Variants in DGAT2 observed in about 807,000 individuals in gnomAD.
The protein encoded by DGAT2 is acyl-CoA retinol O-fatty-acyltransferase.
Under a neutral mutation model 48.4 loss-of-function variants are expected in DGAT2, and 33 were observed. The observed-to-expected ratio is 0.68, with a 90% CI of 0.52 to 0.91. DGAT2 has a LOEUF of 0.91. DGAT2 is among the 40% of genes least tolerant of loss of function. The pLI is 0.00. For synonymous variants in DGAT2, 191 were observed against 194.1 expected, an observed-to-expected ratio of 0.98 and a Z score of 0.13; for missense variants, 446 against 493.7, an observed-to-expected ratio of 0.90 and a Z score of 0.92.
intron 1 of DGAT2, among the ~76,000 whole-genome samples, chr11:75,774,756 T>C (rs1457585393): frequency 6.6e-6 from 1 of 152,208 alleles, no homozygotes; most frequent in East Asian, 1.9e-4. Context: ...TGTCTCCCCA[T>C]GCTTGCCCAT....
chr11:75,798,526 C>T (rs966121086), intron 7 of DGAT2, 97 bp downstream of exon 7: 19 of 1,344,744 alleles, frequency 1.4e-5, no homozygotes, highest in Non-Finnish European at 1.9e-5. Flanking sequence ...GGCCACCTGG[C>T]TCTGATGGCC....
intron 4 of DGAT2, chr11:75,795,423 G>C (rs749819487): frequency 6.6e-6 from 1 of 152,152 alleles, no homozygotes; most frequent in Non-Finnish European, 1.5e-5. Context: ...CACATTCCTT[G>C]TAACACAGGG....
intron 1 of DGAT2, among the ~76,000 whole-genome samples, chr11:75,780,108 A>G (rs1419841747): frequency 3.9e-5 from 6 of 152,164 alleles, no homozygotes; most frequent in Non-Finnish European, 5.9e-5. Flanking sequence ...GAGGGGGCAG[A>G]TAGGAGCAGG....
intron 1 of DGAT2, among the ~76,000 whole-genome samples, chr11:75,783,021 G>A (rs73504569): frequency 0.052 from 7,850 of 152,296 alleles, 691 homozygotes; most frequent in African/African-American, 0.18. Flanking sequence ...TAGGATTTTT[G>A]TAAAGGGGGC....
chr11:75,781,705 G>C (rs1430194908), intron 1 of DGAT2, among the ~76,000 whole-genome samples: 5 of 152,202 alleles, frequency 3.3e-5, no homozygotes, highest in African/African-American at 4.8e-5. Context: ...GGTAGTTGGG[G>C]CTGGATAAGG....
intron 1 of DGAT2, among the ~76,000 whole-genome samples, chr11:75,772,652 G>T (rs779172325): frequency 6.6e-6 from 1 of 151,942 alleles, no homozygotes; most frequent in Non-Finnish European, 1.5e-5. Context: ...ATTTTCATGC[G>T]TGCTTATCTG....
chr11:75,796,326 A>C lies in DGAT2; in HGVS notation c.430-2A>C, dbSNP rs1945052376. ...TCCTCTGACCCAAGGTCATCCTTGC[A>C]GCTGGTGAAGACACACAACCTGCTG... On this transcript the variant is annotated splice_acceptor_variant, in intron 4 of 7. Transcript: ENST00000228027. LOFTEE classifies it high-confidence loss of function. 1 of 1,612,844 alleles carries C rather than the reference A, an allele frequency of 6.2e-7. No individual in the cohort carries two copies. The highest frequency in any genetic ancestry group is 1.1e-5 in the South Asian group (1 of 91,046).
chr11:75,769,992 T>A (rs1944741467), intron 1 of DGAT2, among the ~76,000 whole-genome samples: 1 of 152,192 alleles, frequency 6.6e-6, no homozygotes. Flanking sequence ...CCACCTTTGT[T>A]ACAAAAATAA....
At chr11:75,793,152 G>A (rs901428258) in intron 4 of DGAT2, 2 of 152,296 alleles carry the variant, frequency 1.3e-5, no homozygotes, top group Non-Finnish European at 2.9e-5. Context: ...GTTGGGCTGG[G>A]ACTTTGCCAC....
At chr11:75,778,833 CAAAAAA>C (rs746636359) in intron 1 of DGAT2, among the ~76,000 whole-genome samples, 1 of 68,462 alleles carries the variant, frequency 1.5e-5, no homozygotes, top group African/African-American at 4.6e-5. Flanking sequence ...GACTCCGTCT[CAAAAAA>C]AAAAAAAAAA....
intron 1 of DGAT2, among the ~76,000 whole-genome samples, chr11:75,779,143 C>T (rs938392241): frequency 1.3e-5 from 2 of 152,144 alleles, no homozygotes; most frequent in African/African-American, 2.4e-5. Context: ...AGACACCCTT[C>T]AACACCCCAG....
chr11:75,786,586 A>G (rs1393903830), intron 2 of DGAT2, among the ~76,000 whole-genome samples: 2 of 152,076 alleles, frequency 1.3e-5, no homozygotes, highest in African/African-American at 2.4e-5. Flanking sequence ...CAGCCCAGAA[A>G]CCGGCCCAGC....
chr11:75,769,812 C>T (rs1212487398), intron 1 of DGAT2, among the ~76,000 whole-genome samples: 1 of 152,088 alleles, frequency 6.6e-6, no homozygotes, highest in East Asian at 1.9e-4. Flanking sequence ...GATGCCTTGA[C>T]CCCTGGATTC....
intron 1 of DGAT2, among the ~76,000 whole-genome samples, chr11:75,770,689 G>T (rs1944748745): frequency 6.6e-6 from 1 of 152,156 alleles, no homozygotes; most frequent in Admixed American, 6.5e-5. Context: ...TCATGTTTTT[G>T]ACTTAGAGTT....
In DGAT2 at chr11:75,790,733, TAA is replaced by T. The variant is rs1487663076; in HGVS notation, c.429+4_429+5del. ...TTTCGAGACTACTTTCCCATCCAGG[TAA>T]AGTGCTGTGAGTGTTGTTTTGGGAG... On this transcript the variant is annotated splice_donor_region_variant and intron_variant, in intron 4 of 7. Transcript: ENST00000228027. 3 of 1,614,058 alleles carry T rather than the reference TAA, an allele frequency of 1.9e-6. No individual in the cohort carries two copies. Among genetic ancestry groups the T allele is most frequent in the Admixed American group, 1.7e-5 (1 of 60,020 alleles).
intron 1 of DGAT2, among the ~76,000 whole-genome samples, chr11:75,770,505 GGGACATCAATGGATGAAT>G (rs1419083257): frequency 3.9e-5 from 6 of 152,046 alleles, no homozygotes; most frequent in African/African-American, 1.5e-4. Flanking sequence ...GATGTCCTTA[GGGACATCAATGGATGAAT>G]GGACTTGCCC....
chr11:75,787,618 GC>G (rs1944935769), intron 2 of DGAT2, among the ~76,000 whole-genome samples: 1 of 152,238 alleles, frequency 6.6e-6, no homozygotes, highest in African/African-American at 2.4e-5. Flanking sequence ...TTTTACTGCA[GC>G]CCCACAACCT....
At chr11:75,777,193 C>G (rs758058051) in intron 1 of DGAT2, among the ~76,000 whole-genome samples, 3 of 151,494 alleles carry the variant, frequency 2.0e-5, no homozygotes, top group Non-Finnish European at 2.9e-5. Context: ...CCTCTCTTAG[C>G]TGGCATCTTT....
At chr11:75,788,290 CTT>C (rs1005202756) in intron 2 of DGAT2, among the ~76,000 whole-genome samples, 1 of 152,176 alleles carries the variant, frequency 6.6e-6, no homozygotes, top group Non-Finnish European at 1.5e-5. Context: ...GTAAGTATGA[CTT>C]TGTAGGCAGC....
Sources: allele counts gnomAD v4.1 joint callset (sites outside exome capture counted in the v4.1 genomes callset), GRCh38; gene constraint gnomAD v4.1.1; transcripts MANE v1.5; gene names NCBI Gene and HGNC (gene_info 2026-07-23, HGNC 2026-07-21).